The following RBMX2 variants were observed in gnomAD, a reference collection of about 807,000 sequenced individuals.
RBMX2 encodes the protein RNA-binding motif protein, X-linked 2.
For missense variants in RBMX2, 191 were observed against 256.0 expected (o/e 0.75, Z 1.73); for synonymous variants, 77 against 94.3 (o/e 0.82, Z 1.07).
rs761885211 is a variant in RBMX2, at chrX:130,413,005, A to T, written c.*157A>T. On this transcript the variant is annotated 3_prime_UTR_variant, in exon 6 of 6. Coordinates refer to ENST00000305536, the MANE Select transcript of RBMX2 (RefSeq NM_016024.4). ...TCATTGGGAGGGCTGCAGTTTCAAC[A>T]GCTAGATATCCTGGATATTGTTTGC... is the stretch of plus-strand genomic sequence containing the variant. 7.9e-6 allele frequency: 4 copies of T among 503,869 alleles called. No homozygotes were observed. The African/African-American group carries it at 9.6e-5, about 12-fold the overall frequency. 41.5% of individuals were successfully genotyped at this position (503,869 alleles called of 1,213,427 possible). A position where few individuals can be genotyped will look rare whatever the true frequency, so the allele number is the denominator to read the frequency against.
At chrX:130,409,735 C>T (rs1053280123) in intron 4 of RBMX2, among the ~76,000 whole-genome samples, 2 of 111,603 alleles carry the variant, frequency 1.8e-5, no homozygotes, top group Non-Finnish European at 3.8e-5. Context: ...ATTGCTCTTC[C>T]ATATTGTTGT....
Position 130,412,975 on chromosome X carries a change from T to G in RBMX2, c.*127T>G. 1 of 702,361 alleles carries G rather than the reference T, an allele frequency of 1.4e-6. No individual in the cohort carries two copies. The highest frequency in any genetic ancestry group is 4.0e-5 in the Admixed American group (1 of 25,253). The allele number at this position is 702,361 out of a possible 1,213,427, so 57.9% of individuals were successfully genotyped here. A position where few individuals can be genotyped will look rare whatever the true frequency, so the allele number is the denominator to read the frequency against. On this transcript the variant is annotated 3_prime_UTR_variant, in exon 6 of 6. Transcript: ENST00000305536. ...GGATTCTTTTAATCCCTTGACTATTTAGAGTCATTGGGAGGGCTGCAGTTT... is the reference window on the plus strand; with the variant it reads ...GGATTCTTTTAATCCCTTGACTATTGAGAGTCATTGGGAGGGCTGCAGTTT...
chrX:130,410,171 A>G (rs775179706), intron 4 of RBMX2, among the ~76,000 whole-genome samples: 10 of 111,728 alleles, frequency 9.0e-5, no homozygotes, highest in Middle Eastern at 4.6e-3. Flanking sequence ...CAGCAGTCAG[A>G]GGGCATCACT....
Position 130,412,469 on chromosome X carries a change from A to T in RBMX2, c.590A>T (p.Lys197Met). Residue 197 changes from lysine (K) to methionine (M), a missense_variant, in exon 6 of 6, where the codon AAG becomes ATG. Coordinates refer to ENST00000305536, the MANE Select transcript of RBMX2 (RefSeq NM_016024.4). Reference protein sequence around the residue: ...SSPRRKTVKEKDDTGPKKHSS... With the variant: ...SSPRRKTVKEMDDTGPKKHSS... Reference sequence around the variant, plus strand: ...CCCAGACGCAAGACAGTAAAGGAAAAGGATGACACTGGCCCTAAGAAGCAC... The same window carrying T: ...CCCAGACGCAAGACAGTAAAGGAAATGGATGACACTGGCCCTAAGAAGCAC... 1 of 1,210,470 alleles carries T rather than the reference A, an allele frequency of 8.3e-7. No homozygotes were observed. Among genetic ancestry groups the T allele is most frequent in the Non-Finnish European group, 1.1e-6 (1 of 895,123 alleles).
At position 130,409,284 on chromosome X, in the gene RBMX2, C is replaced by T. The variant is rs1569460232; in HGVS notation, c.201C>T (p.Leu67=). ...SQYGEIVNIN[L]VRDKKTGKSK... Reference sequence around the variant, plus strand: ...ATGGGGAGATTGTTAACATTAATCTCGTGCGGGACAAGAAAACTGGGAAAT... The same window carrying T: ...ATGGGGAGATTGTTAACATTAATCTTGTGCGGGACAAGAAAACTGGGAAAT... The change falls in exon 4 of 6, where the codon CTC becomes CTT. Residue 67 remains leucine (L), a synonymous_variant. Transcript: ENST00000305536. 29 of 1,204,908 alleles carry T rather than the reference C, an allele frequency of 2.4e-5. No homozygotes were observed. Among genetic ancestry groups the T allele is most frequent in the East Asian group, 1.8e-4 (6 of 33,823 alleles).
chrX:130,409,480 T>C (rs2034501820), intron 4 of RBMX2, 94 bp downstream of exon 4: 2 of 944,550 alleles, frequency 2.1e-6, no homozygotes, highest in Non-Finnish European at 2.9e-6. Context: ...AGGGCAGCAC[T>C]TGTGAGCTTG....
intron 1 of RBMX2, 29 bp from the exon 2 acceptor site, chrX:130,402,226 C>T (rs1311469420): frequency 1.2e-6 from 1 of 835,637 alleles, no homozygotes. Context: ...TTTCTGCCTA[C>T]CCTCCCCACC....
rs1056624226 is a variant in RBMX2, at chrX:130,402,029, G to A, written c.-4G>A. 2.0e-5 allele frequency: 24 copies of A among 1,198,138 alleles called. No individual in the cohort carries two copies. The East Asian group carries it at 6.9e-4, about 34-fold the overall frequency. On this transcript the variant is annotated 5_prime_UTR_variant, in exon 1 of 6. Coordinates refer to ENST00000305536, the MANE Select transcript of RBMX2 (RefSeq NM_016024.4). ...TCCTGAGTGCTGAGCGCGAACCCGA[G>A]GAGATGAAGTAAGGCGTCAGCTTCC...
At chrX:130,402,991 C>T (rs981324734) in intron 2 of RBMX2, among the ~76,000 whole-genome samples, 1 of 112,746 alleles carries the variant, frequency 8.9e-6, no homozygotes, top group Non-Finnish European at 1.9e-5. Context: ...TTGCGAGTTA[C>T]GTGCTAATAT....
chrX:130,402,681 G>A, intron 2 of RBMX2, among the ~76,000 whole-genome samples: 1 of 111,661 alleles, frequency 9.0e-6, no homozygotes, highest in Non-Finnish European at 1.9e-5. Context: ...GAAGTTAAGG[G>A]ACTTCCTTAA....
Position 130,402,008 on chromosome X carries a change from G to A in RBMX2, c.-25G>A, listed in dbSNP as rs2034456874. 2.5e-6 allele frequency: 3 copies of A among 1,192,236 alleles called. No homozygotes were observed. The highest frequency in any genetic ancestry group is 1.7e-5 in the African/African-American group (1 of 57,816). On this transcript the variant is annotated 5_prime_UTR_variant, in exon 1 of 6. Coordinates refer to ENST00000305536, the MANE Select transcript of RBMX2 (RefSeq NM_016024.4). ...CTGCCTTTCCCGGGCGCTGATTCCT[G>A]AGTGCTGAGCGCGAACCCGAGGAGA...
chrX:130,407,590 AT>A (rs2124786348), intron 3 of RBMX2, among the ~76,000 whole-genome samples: 2 of 110,826 alleles, frequency 1.8e-5, no homozygotes, highest in Admixed American at 1.9e-4. Flanking sequence ...TTATTTTTAA[AT>A]TTATAAACCT....
chrX:130,411,686 A>T (rs962763046), intron 5 of RBMX2, among the ~76,000 whole-genome samples, 161 bp downstream of exon 5: 11 of 111,330 alleles, frequency 9.9e-5, no homozygotes, highest in Non-Finnish European at 2.1e-4. Context: ...GGCTGGTGCT[A>T]TGGGCAGAAT....
At chrX:130,403,991 G>A in intron 3 of RBMX2, 138 bp downstream of exon 3, 3 of 587,760 alleles carry the variant, frequency 5.1e-6, no homozygotes, top group Admixed American at 2.5e-5. Context: ...TGGAGCTTCT[G>A]TTCTAGATCA....
intron 2 of RBMX2, 56 bp downstream of exon 2, chrX:130,402,426 G>T: frequency 8.6e-7 from 1 of 1,166,801 alleles, no homozygotes; most frequent in Admixed American, 2.5e-5. Flanking sequence ...CTCGGTTTCC[G>T]ACTATTTCGG....
At chrX:130,412,261 G>A (rs2034516984) in intron 5 of RBMX2, 100 bp from the exon 6 acceptor site, 5 of 1,008,126 alleles carry the variant, frequency 5.0e-6, no homozygotes, top group East Asian at 6.5e-5. Context: ...TGTGGTTGAT[G>A]TAACGTATTC....
rs1556362812 is a variant in RBMX2, at chrX:130,412,377, GAAA to G, written c.504_506del (p.Lys170del). 2 of 1,129,767 alleles carry G rather than the reference GAAA, an allele frequency of 1.8e-6. No individual in the cohort carries two copies. The highest frequency in any genetic ancestry group is 6.3e-5 in the East Asian group (2 of 31,751). 93.1% of individuals were successfully genotyped at this position (1,129,767 alleles called of 1,213,427 possible). ...ATCCTCCAGACAAAAAGGAAAAAAA[GAAA>G]AAAAAGAAAGAAAAAGAGAAAGCCG... On this transcript the variant is annotated inframe_deletion, in exon 6 of 6. Coordinates refer to ENST00000305536, the MANE Select transcript of RBMX2 (RefSeq NM_016024.4).
At chrX:130,411,152 C>T (rs1177293058) in intron 4 of RBMX2, 196 bp from the exon 5 acceptor site, 1 of 321,792 alleles carries the variant, frequency 3.1e-6, no homozygotes, top group Non-Finnish European at 5.3e-6. Context: ...CATCTGGCTG[C>T]ACTGAGAGCT....
rs2034522829 is a variant in RBMX2 at position 130,412,942 on chromosome X, C to A, written c.*94C>A. 2.2e-6 allele frequency: 2 copies of A among 925,161 alleles called. No homozygotes were observed. The highest frequency in any genetic ancestry group is 2.9e-6 in the Non-Finnish European group (2 of 686,806). The allele number at this position is 925,161 out of a possible 1,213,427, so 76.2% of individuals were successfully genotyped here. ...GTTACTATTTTTGTATCTAAAACTT[C>A]TGGGGCTGGATTCTTTTAATCCCTT... is the stretch of plus-strand genomic sequence containing the variant. On this transcript the variant is annotated 3_prime_UTR_variant, in exon 6 of 6. Transcript: ENST00000305536.
Sources: gnomAD v4.1 joint callset for allele counts (sites outside exome capture counted in the v4.1 genomes callset) on GRCh38, gnomAD v4.1.1 for gene constraint, MANE v1.5 for transcripts, NCBI Gene and HGNC (gene_info 2026-07-23, HGNC 2026-07-21) for gene names.